PTBP2: variants seen among roughly 807,000 people sequenced by gnomAD.
PTBP2 encodes polypyrimidine tract-binding protein 2.
A neutral mutation model predicts 61.4 loss-of-function variants in PTBP2; 13 were observed. The observed-to-expected ratio is 0.21, with a 90% confidence interval of 0.14 to 0.34. The LOEUF is 0.34. PTBP2 is among the 10% of genes least tolerant of loss of function. The pLI is 1.00. For synonymous variants in PTBP2, 215 were observed against 218.5 expected (o/e 0.98, Z 0.14); for missense variants, 405 against 642.6 (o/e 0.63, Z 4.00).
At chr1:96,770,885 T>G in intron 5 of PTBP2, 34 bp downstream of exon 5, 1 of 1,494,304 alleles carries the variant, frequency 6.7e-7, no homozygotes, top group Non-Finnish European at 9.3e-7. Context: ...TAAAATGGCC[T>G]AGAACATATT....
chr1:96,785,274 A>C lies in PTBP2; in HGVS notation c.904+20A>C. The C allele has an allele frequency of 6.6e-7, 1 of 1,519,052 alleles. No homozygotes were observed. The highest frequency in any genetic ancestry group is 8.8e-7 in the Non-Finnish European group (1 of 1,137,128). 94.1% of individuals were successfully genotyped at this position (1,519,052 alleles called of 1,614,324 possible). On this transcript the variant is annotated intron_variant, in intron 8 of 13. Transcript: ENST00000674951. ...TCTTAGGTATGATTTTTATTGTCTTAACCACTTTTCTCCCATTTTGCCAAA... is the reference window on the plus strand; with the variant it reads ...TCTTAGGTATGATTTTTATTGTCTTCACCACTTTTCTCCCATTTTGCCAAA...
intron 11 of PTBP2, among the ~76,000 whole-genome samples, chr1:96,812,187 G>A (rs1424858073): frequency 1.3e-5 from 2 of 152,176 alleles, no homozygotes; most frequent in Admixed American, 6.5e-5. Context: ...AGGTATTGAC[G>A]TGATCAGATT....
chr1:96,792,112 C>T (rs1163227263), intron 8 of PTBP2, among the ~76,000 whole-genome samples: 6 of 152,156 alleles, frequency 3.9e-5, no homozygotes, highest in Admixed American at 1.3e-4. Flanking sequence ...GCTGGGATTA[C>T]GGGCGTGAGC....
chr1:96,778,717 G>A (rs1013903228), intron 7 of PTBP2, among the ~76,000 whole-genome samples: 1 of 151,710 alleles, frequency 6.6e-6, no homozygotes, highest in Admixed American at 6.6e-5. Context: ...ATCTTAACTG[G>A]TTTTCTTCCT....
At chr1:96,778,523 C>T (rs1257782320) in intron 7 of PTBP2, among the ~76,000 whole-genome samples, 1 of 152,004 alleles carries the variant, frequency 6.6e-6, no homozygotes, top group Non-Finnish European at 1.5e-5. Context: ...CCACTGAAAA[C>T]TGCGCACCAC....
Position 96,792,577 on chromosome 1 carries a change from C to T in PTBP2, c.904+7323C>T, listed in dbSNP as rs1435268216. 2.0e-5 allele frequency among the ~76,000 whole-genome samples: 3 copies of T among 151,938 alleles called. No individual in the cohort carries two copies. In the East Asian group the frequency reaches 5.8e-4, roughly 29 times the overall value. ...ATATACATATAGTAAAAATTTAAGTCCCATCATTTTAGCTTGCTTTTTTTT... is the reference window on the plus strand; with the variant it reads ...ATATACATATAGTAAAAATTTAAGTTCCATCATTTTAGCTTGCTTTTTTTT... On this transcript the variant is annotated intron_variant, in intron 8 of 13. Transcript: ENST00000674951.
At position 96,784,964 on chromosome 1, in the gene PTBP2, G is replaced by A. The variant is rs273873; in HGVS notation, c.709-95G>A. ...CCTTTTCCTGGTAGCTTTTAAGTTCGAGTTTTTGTTGTTGAGTTTTATTAC... is the reference window on the plus strand; with the variant it reads ...CCTTTTCCTGGTAGCTTTTAAGTTCAAGTTTTTGTTGTTGAGTTTTATTAC... On this transcript the variant is annotated intron_variant, in intron 7 of 13. Coordinates refer to ENST00000674951, the MANE Select transcript of PTBP2 (RefSeq NM_021190.4). 4.3e-3 allele frequency: 4,403 copies of A among 1,022,340 alleles called. 147 individuals carry two copies. In the African/African-American group the frequency reaches 0.066, roughly 15 times the overall value. 63.3% of individuals were successfully genotyped at this position (1,022,340 alleles called of 1,614,324 possible). A position where few individuals can be genotyped will look rare whatever the true frequency, so the allele number is the denominator to read the frequency against.
At chr1:96,804,500 A>G (rs1661319254) in intron 8 of PTBP2, among the ~76,000 whole-genome samples, 1 of 152,088 alleles carries the variant, frequency 6.6e-6, no homozygotes, top group African/African-American at 2.4e-5. Flanking sequence ...TTGGAATTAT[A>G]TTTTTCATGC....
rs755701299 is a variant in PTBP2, at chr1:96,804,846, A to AGCAGCTGCT, written c.963_971dup (p.Ala322_Ala324dup). ...CTTTGGCCATTCCAAATGCTGCTGC[A>AGCAGCTGCT]GCAGCTGCTGCAGCTGCTGCTGGCC... On this transcript the variant is annotated inframe_insertion, in exon 9 of 14. Coordinates refer to ENST00000674951, the MANE Select transcript of PTBP2 (RefSeq NM_021190.4). The AGCAGCTGCT allele has an allele frequency of 3.1e-6, 5 of 1,611,520 alleles. No homozygotes were observed. The highest frequency in any genetic ancestry group is 1.1e-5 in the South Asian group (1 of 90,928).
At position 96,721,848 on chromosome 1, in the gene PTBP2, C is replaced by A; in HGVS notation, c.-17C>A. The A allele has an allele frequency of 6.4e-7, 1 of 1,566,682 alleles. No individual in the cohort carries two copies. The highest frequency in any genetic ancestry group is 1.2e-5 in the South Asian group (1 of 85,134). ...CGTGGCTCGGTTCTTGTGAGCGAAG[C>A]TTTGTCCGGTTCGGCAATGGACGGG... On this transcript the variant is annotated 5_prime_UTR_variant, in exon 1 of 14. Coordinates refer to ENST00000674951, the MANE Select transcript of PTBP2 (RefSeq NM_021190.4).
Position 96,765,529 on chromosome 1 carries a change from G to A in PTBP2, c.116-4174G>A, listed in dbSNP as rs186638929. On this transcript the variant is annotated intron_variant, in intron 3 of 13. Coordinates refer to ENST00000674951, the MANE Select transcript of PTBP2 (RefSeq NM_021190.4). Reference sequence around the variant, plus strand: ...AGTTCGAGACCAGCCTGGCCAACATGGTGAAACCCCATCTCTACTGAAAAT... The same window carrying A: ...AGTTCGAGACCAGCCTGGCCAACATAGTGAAACCCCATCTCTACTGAAAAT... Among the ~76,000 whole-genome samples, 436 of 152,202 alleles carry A rather than the reference G, an allele frequency of 2.9e-3. 2 individuals are homozygous for A. Among genetic ancestry groups the A allele is most frequent in the African/African-American group, 0.01 (426 of 41,526 alleles).
intron 8 of PTBP2, among the ~76,000 whole-genome samples, chr1:96,786,692 T>C (rs1050411890): frequency 6.6e-6 from 1 of 152,200 alleles, no homozygotes; most frequent in South Asian, 2.1e-4. Context: ...TTAAAATAGA[T>C]GGTCTCATCA....
intron 2 of PTBP2, among the ~76,000 whole-genome samples, chr1:96,733,642 G>A (rs548263566): frequency 6.6e-6 from 1 of 152,156 alleles, no homozygotes; most frequent in Admixed American, 6.6e-5. Context: ...CTACACTCCA[G>A]CCTGGGCGAG....
chr1:96,804,099 A>G (rs1454561892), intron 8 of PTBP2, among the ~76,000 whole-genome samples: 4 of 152,202 alleles, frequency 2.6e-5, no homozygotes, highest in Admixed American at 6.5e-5. Flanking sequence ...AGGAAATGAT[A>G]ACATAGATTG....
intron 8 of PTBP2, among the ~76,000 whole-genome samples, chr1:96,803,801 C>T (rs888345952): frequency 1.2e-4 from 18 of 152,054 alleles, no homozygotes; most frequent in Non-Finnish European, 2.2e-4. Flanking sequence ...GCCTGTTCTA[C>T]CCAGGTATGT....
Position 96,723,556 on chromosome 1 carries a change from CT to C in PTBP2, c.9-5del. 2 of 1,563,632 alleles carry C rather than the reference CT, an allele frequency of 1.3e-6. No homozygotes were observed. The highest frequency in any genetic ancestry group is 2.3e-5 in the East Asian group (1 of 44,226). ...AGGAGGTTGAAACTACTTATTTTTT[CT>C]TTGCAGAATCGTCACTGAGGTTGCA... is the stretch of plus-strand genomic sequence containing the variant. On this transcript the variant is annotated splice_region_variant and splice_polypyrimidine_tract_variant and intron_variant, in intron 1 of 13. Transcript: ENST00000674951.
Position 96,756,069 on chromosome 1 carries a change from G to A in PTBP2, c.115+4569G>A, listed in dbSNP as rs555914291. The stretch of plus-strand genomic sequence containing the variant: ...TTACTGCTCAGTGGAATGCAGAGTG[G>A]TACAGCCACTTTGGAAGACAATTTG... On this transcript the variant is annotated intron_variant, in intron 3 of 13. Transcript: ENST00000674951. 9.8e-5 allele frequency among the ~76,000 whole-genome samples: 15 copies of A among 152,292 alleles called. No individual in the cohort carries two copies. The South Asian group carries it at 3.1e-3, about 32-fold the overall frequency.
chr1:96,750,697 A>G (rs988234740), intron 2 of PTBP2, among the ~76,000 whole-genome samples: 3 of 152,048 alleles, frequency 2.0e-5, no homozygotes, highest in African/African-American at 7.2e-5. Flanking sequence ...CAATACTAAT[A>G]TCCATGTATG....
rs547032374 is a variant in PTBP2, at chr1:96,735,010, C to T, written c.39+11416C>T. On this transcript the variant is annotated intron_variant, in intron 2 of 13. Coordinates refer to ENST00000674951, the MANE Select transcript of PTBP2 (RefSeq NM_021190.4). The stretch of plus-strand genomic sequence containing the variant: ...TCAGCTCAGTGCAACCTCTGCCTCC[C>T]GGATTCAAGCGATTCTCCTGCCTCA... 3.5e-4 allele frequency among the ~76,000 whole-genome samples: 53 copies of T among 151,166 alleles called. No individual in the cohort carries two copies. The East Asian group carries it at 1.0e-2, about 28-fold the overall frequency.
Sources: gnomAD v4.1 joint callset for allele counts (sites outside exome capture counted in the v4.1 genomes callset) on GRCh38, gnomAD v4.1.1 for gene constraint, MANE v1.5 for transcripts, NCBI Gene and HGNC (gene_info 2026-07-23, HGNC 2026-07-21) for gene names.